ZNF385B: variants seen among roughly 807,000 people sequenced by gnomAD.
The protein encoded by ZNF385B is zinc finger protein 385B.
A neutral mutation model predicts 39.2 loss-of-function variants in ZNF385B; 23 were observed. The ratio of observed to expected loss-of-function variants is 0.59; its 90% CI spans 0.42 to 0.83. ZNF385B has a LOEUF of 0.83. ZNF385B is among the 40% of genes least tolerant of loss of function. The pLI is 0.00. For synonymous variants in ZNF385B, 205 were observed against 222.6 expected (o/e 0.92, Z 0.70); for missense variants, 552 against 598.9 (o/e 0.92, Z 0.82).
chr2:179,510,846 A>T (rs1488203443), intron 5 of ZNF385B, among the ~76,000 whole-genome samples: 1 of 152,204 alleles, frequency 6.6e-6, no homozygotes, highest in East Asian at 1.9e-4. Flanking sequence ...TTAGAAGAAA[A>T]CACAGGGGAA....
intron 1 of ZNF385B, among the ~76,000 whole-genome samples, chr2:179,791,533 G>A (rs1034610827): frequency 6.6e-6 from 1 of 152,168 alleles, no homozygotes; most frequent in African/African-American, 2.4e-5. Flanking sequence ...AAATGATTCA[G>A]CATGAAGATA....
chr2:179,587,411 T>A (rs1054700151), intron 3 of ZNF385B, among the ~76,000 whole-genome samples: 1 of 151,228 alleles, frequency 6.6e-6, no homozygotes, highest in Admixed American at 6.6e-5. Flanking sequence ...GTCTTTGGAA[T>A]AGATTACAAT....
At chr2:179,560,596 C>T (rs1270518772) in intron 3 of ZNF385B, among the ~76,000 whole-genome samples, 1 of 152,118 alleles carries the variant, frequency 6.6e-6, no homozygotes, top group South Asian at 2.1e-4. Context: ...ATCACTGTTT[C>T]CATAGTCTCC....
chr2:179,814,547 CAAG>C (rs1706939284), intron 1 of ZNF385B: 1 of 785,534 alleles, frequency 1.3e-6, no homozygotes, highest in Admixed American at 1.9e-5. Flanking sequence ...CTGGCAACAA[CAAG>C]ATTAACTGGG....
intron 3 of ZNF385B, among the ~76,000 whole-genome samples, chr2:179,585,418 T>C (rs940239739): frequency 6.6e-5 from 10 of 152,188 alleles, no homozygotes; most frequent in Admixed American, 3.9e-4. Flanking sequence ...GTCTTTATAG[T>C]ACCTATTTAC....
At chr2:179,840,227 A>G (rs1708472812) in intron 1 of ZNF385B, among the ~76,000 whole-genome samples, 2 of 152,202 alleles carry the variant, frequency 1.3e-5, no homozygotes, top group African/African-American at 4.8e-5. Context: ...TTGTCCCCCA[A>G]AGTCCCTTAA....
At chr2:179,555,289 T>G (rs542143615) in intron 3 of ZNF385B, among the ~76,000 whole-genome samples, 9 of 149,592 alleles carry the variant, frequency 6.0e-5, no homozygotes, top group Admixed American at 2.7e-4. Context: ...CAAAGTAATT[T>G]ATTCTGTTAG....
intron 3 of ZNF385B, among the ~76,000 whole-genome samples, chr2:179,579,563 C>T (rs991007448): frequency 2.0e-5 from 3 of 151,990 alleles, no homozygotes; most frequent in African/African-American, 7.2e-5. Flanking sequence ...AATAAATGTG[C>T]ACAAATGTTG....
chr2:179,493,495 G>GTGTACATATATGCGTATACATA (rs1559333964), intron 5 of ZNF385B, among the ~76,000 whole-genome samples: 11 of 118,846 alleles, frequency 9.3e-5, no homozygotes, highest in African/African-American at 5.9e-5. Flanking sequence ...GTATAAACGT[G>GTGTACATATATGCGTATACATA]TGTGTACATA....
intron 3 of ZNF385B, among the ~76,000 whole-genome samples, chr2:179,689,858 C>T (rs62175169): frequency 0.077 from 11,652 of 151,440 alleles, 608 homozygotes; most frequent in East Asian, 0.21. Context: ...TTTGGTTCTA[C>T]ACTTTCCTGA....
intron 6 of ZNF385B, among the ~76,000 whole-genome samples, chr2:179,450,921 T>A (rs1327222428): frequency 6.6e-6 from 1 of 151,802 alleles, no homozygotes; most frequent in Non-Finnish European, 1.5e-5. Flanking sequence ...TATGCAGCCA[T>A]AAAAAGTGAT....
At chr2:179,471,058 A>G (rs767122147) in intron 6 of ZNF385B, among the ~76,000 whole-genome samples, 1 of 152,168 alleles carries the variant, frequency 6.6e-6, no homozygotes, top group Non-Finnish European at 1.5e-5. Context: ...TTAAAATGAT[A>G]TTATTTTAAG....
At chr2:179,559,291 T>C (rs573844167) in intron 3 of ZNF385B, among the ~76,000 whole-genome samples, 134 of 152,182 alleles carry the variant, frequency 8.8e-4, no homozygotes, top group Admixed American at 4.2e-3. Context: ...ACATGGAGTG[T>C]TCTGTGACCC....
At chr2:179,721,601 A>C (rs905223463) in intron 3 of ZNF385B, among the ~76,000 whole-genome samples, 2 of 152,160 alleles carry the variant, frequency 1.3e-5, no homozygotes, top group African/African-American at 4.8e-5. Context: ...AAAATTAAAT[A>C]TTGTGAACTA....
chr2:179,761,995 A>C (rs1032456753), intron 3 of ZNF385B, among the ~76,000 whole-genome samples: 1 of 152,158 alleles, frequency 6.6e-6, no homozygotes, highest in African/African-American at 2.4e-5. Flanking sequence ...TAGGAGAAAA[A>C]CATTCGGTCT....
At position 179,544,924 on chromosome 2, in the gene ZNF385B, G is replaced by C; in HGVS notation, c.344C>G (p.Pro115Arg). The C allele has an allele frequency of 6.2e-7, 1 of 1,614,092 alleles. No homozygotes were observed. Among genetic ancestry groups the C allele is most frequent in the Non-Finnish European group, 8.5e-7 (1 of 1,179,982 alleles). Residue 115 changes from proline to arginine, a missense_variant, in exon 4 of 10, where the codon CCT becomes CGT. Pro to Arg is a moderately radical substitution (Grantham distance 103). Coordinates refer to ENST00000410066, the MANE Select transcript of ZNF385B (RefSeq NM_152520.6). ...TTTLPALVRT[P>R]TLMMQPSLDI... Reference sequence around the variant, plus strand: ...CAGTGAAGGCTGCATCATCAGGGTAGGTGTGCGCACAAGAGCAGGAAGGGT... The same window carrying C: ...CAGTGAAGGCTGCATCATCAGGGTACGTGTGCGCACAAGAGCAGGAAGGGT...
At chr2:179,487,828 A>G (rs1198870207) in intron 5 of ZNF385B, among the ~76,000 whole-genome samples, 1 of 152,120 alleles carries the variant, frequency 6.6e-6, no homozygotes, top group Non-Finnish European at 1.5e-5. Context: ...CGCCCAAACC[A>G]CTACACTGAC....
chr2:179,599,071 C>T lies in ZNF385B; in HGVS notation c.299-54102G>A, dbSNP rs540805550. On this transcript the variant is annotated intron_variant, in intron 3 of 9. Coordinates refer to ENST00000410066, the MANE Select transcript of ZNF385B (RefSeq NM_152520.6). ...ATTTAATCTATACAGTCATGAGTCG[C>T]GTAATGATTCTGTCAATGATAGATT... Among the ~76,000 whole-genome samples, 12 of 152,212 alleles carry T rather than the reference C, an allele frequency of 7.9e-5. No individual in the cohort carries two copies. In the East Asian group the frequency reaches 1.7e-3, roughly 22 times the overall value.
At chr2:179,678,016 T>C (rs369958612) in intron 3 of ZNF385B, among the ~76,000 whole-genome samples, 10 of 151,998 alleles carry the variant, frequency 6.6e-5, no homozygotes, top group Admixed American at 6.5e-4. Flanking sequence ...TATAAATAGC[T>C]CTTTTTTTTT....
Sources: allele counts gnomAD v4.1 joint callset (sites outside exome capture counted in the v4.1 genomes callset), GRCh38; gene constraint gnomAD v4.1.1; transcripts MANE v1.5; gene names NCBI Gene and HGNC (gene_info 2026-07-23, HGNC 2026-07-21).